Variants in CNOT2 observed in about 807,000 individuals in gnomAD.
CNOT2 encodes CCR4-NOT transcription complex subunit 2.
A neutral mutation model predicts 72.1 loss-of-function variants in CNOT2; 7 were observed. That is an observed-to-expected ratio of 0.10 (90% CI 0.06 to 0.18). CNOT2 has a LOEUF of 0.18. Among genes scored for constraint, CNOT2 ranks in the 10% least tolerant of loss-of-function variants. The pLI, the probability that CNOT2 is intolerant of heterozygous loss-of-function variation, is 1.00. For synonymous variants in CNOT2, 196 were observed against 225.6 expected (o/e 0.87, Z 1.17); for missense variants, 345 against 660.3 (o/e 0.52, Z 5.23).
chr12:70,256,360 T>C (rs1484653807), intron 1 of CNOT2, among the ~76,000 whole-genome samples: 1 of 152,104 alleles, frequency 6.6e-6, no homozygotes, highest in African/African-American at 2.4e-5. Flanking sequence ...TTAATATACT[T>C]TGGGAACTTC....
chr12:70,314,390 G>C (rs1876968701), intron 3 of CNOT2, among the ~76,000 whole-genome samples: 1 of 151,910 alleles, frequency 6.6e-6, no homozygotes, highest in East Asian at 1.9e-4. Context: ...GCTCATGAAG[G>C]ATTTTTTTTT....
At chr12:70,257,536 A>G (rs1263065087) in intron 1 of CNOT2, among the ~76,000 whole-genome samples, 4 of 141,634 alleles carry the variant, frequency 2.8e-5, no homozygotes, top group Non-Finnish European at 4.7e-5. Context: ...ATTTTTTTGT[A>G]TTTTTTTTTT....
At chr12:70,251,952 C>A (rs1351344459) in intron 1 of CNOT2, among the ~76,000 whole-genome samples, 1 of 152,074 alleles carries the variant, frequency 6.6e-6, no homozygotes, top group African/African-American at 2.4e-5. Flanking sequence ...AAATCTAAAT[C>A]AGTGATAAAA....
chr12:70,354,167 C>T lies in CNOT2; in HGVS notation c.*252C>T, dbSNP rs1404449789. On this transcript the variant is annotated 3_prime_UTR_variant, in exon 16 of 16. Coordinates refer to ENST00000229195, the MANE Select transcript of CNOT2 (RefSeq NM_014515.7). ...GGGTCTGAATTTTTTCATTTATTTCCTTTTTTGCCAGCAGACAGACTTGAG... is the reference window on the plus strand; with the variant it reads ...GGGTCTGAATTTTTTCATTTATTTCTTTTTTTGCCAGCAGACAGACTTGAG... 5.2e-6 allele frequency: 3 copies of T among 575,124 alleles called. No individual in the cohort carries two copies. Among genetic ancestry groups the T allele is most frequent in the African/African-American group, 3.9e-5 (2 of 51,720 alleles). The allele number at this position is 575,124 out of a possible 1,614,324, so 35.6% of individuals were successfully genotyped here.
chr12:70,339,735 C>T (rs1181324416), intron 11 of CNOT2, among the ~76,000 whole-genome samples: 2 of 152,102 alleles, frequency 1.3e-5, no homozygotes, highest in Non-Finnish European at 2.9e-5. Context: ...CTTCTGCATG[C>T]CCCTAATACC....
chr12:70,329,204 G>A (rs1312733483), intron 4 of CNOT2, among the ~76,000 whole-genome samples: 1 of 151,870 alleles, frequency 6.6e-6, no homozygotes, highest in East Asian at 1.9e-4. Flanking sequence ...ATGAAAAATA[G>A]GAATATGAAA....
chr12:70,327,023 T>C (rs4761196), intron 4 of CNOT2, among the ~76,000 whole-genome samples: 88,060 of 151,644 alleles, frequency 0.58, 26,910 homozygotes, highest in East Asian at 0.94. Flanking sequence ...AACTTCCAAT[T>C]TCTAAAATAT....
chr12:70,289,059 TTC>T, intron 2 of CNOT2, among the ~76,000 whole-genome samples: 2 of 152,078 alleles, frequency 1.3e-5, no homozygotes, highest in East Asian at 3.9e-4. Flanking sequence ...TCTTGCTCAC[TTC>T]TCTTCCTTTT....
At chr12:70,274,028 T>G (rs1868364870) in intron 1 of CNOT2, among the ~76,000 whole-genome samples, 1 of 152,174 alleles carries the variant, frequency 6.6e-6, no homozygotes, top group South Asian at 2.1e-4. Context: ...ATTATAGGTC[T>G]GTGAAACCCA....
chr12:70,252,982 A>G (rs1481075929), intron 1 of CNOT2, among the ~76,000 whole-genome samples: 1 of 152,226 alleles, frequency 6.6e-6, no homozygotes, highest in African/African-American at 2.4e-5. Context: ...AGATTCGTAA[A>G]TGTAAACAAG....
chr12:70,248,609 G>A (rs1398664382), intron 1 of CNOT2, among the ~76,000 whole-genome samples: 1 of 152,094 alleles, frequency 6.6e-6, no homozygotes. Flanking sequence ...GTTTGTTTAA[G>A]AGATTGTGAG....
chr12:70,329,045 A>G (rs868319902), intron 4 of CNOT2, among the ~76,000 whole-genome samples: 3 of 151,956 alleles, frequency 2.0e-5, no homozygotes, highest in Non-Finnish European at 2.9e-5. Context: ...AAAGACATAA[A>G]AACACATTAC....
chr12:70,307,239 C>CT (rs1305547087), intron 2 of CNOT2, among the ~76,000 whole-genome samples: 4 of 152,174 alleles, frequency 2.6e-5, no homozygotes, highest in Non-Finnish European at 4.4e-5. Context: ...CTTACCGTAA[C>CT]TTTTTTACTT....
At chr12:70,337,363 T>C (rs1880849121) in intron 8 of CNOT2, 26 bp from the exon 9 acceptor site, 1 of 1,586,200 alleles carries the variant, frequency 6.3e-7, no homozygotes, top group Non-Finnish European at 8.6e-7. Flanking sequence ...TCAATTGCAA[T>C]TCTCCGGATT....
intron 2 of CNOT2, among the ~76,000 whole-genome samples, chr12:70,292,117 A>G (rs769394000): frequency 2.6e-5 from 4 of 152,234 alleles, no homozygotes; most frequent in Non-Finnish European, 5.9e-5. Context: ...GAAAACTTCC[A>G]GATGCACCAC....
chr12:70,257,348 T>G, intron 1 of CNOT2, among the ~76,000 whole-genome samples: 1 of 143,266 alleles, frequency 7.0e-6, no homozygotes, highest in Non-Finnish European at 1.5e-5. Flanking sequence ...TTTCCCCAAC[T>G]ACCCCCTTTT....
chr12:70,336,528 T>G (rs1363875987), intron 8 of CNOT2: 2 of 152,072 alleles, frequency 1.3e-5, no homozygotes, highest in Non-Finnish European at 2.9e-5. Context: ...GATCACATTT[T>G]CAACCAAGAA....
intron 2 of CNOT2, among the ~76,000 whole-genome samples, chr12:70,305,032 A>C (rs1018483532): frequency 6.6e-6 from 1 of 152,206 alleles, no homozygotes; most frequent in African/African-American, 2.4e-5. Context: ...GTGCAGTATT[A>C]GGGTGGGAGT....
intron 3 of CNOT2, among the ~76,000 whole-genome samples, chr12:70,313,462 A>G (rs1312886908): frequency 6.6e-6 from 1 of 152,008 alleles, no homozygotes; most frequent in Non-Finnish European, 1.5e-5. Flanking sequence ...ACTTTCTTAT[A>G]ATACTTTTAT....
Sources: gnomAD v4.1 joint callset for allele counts (sites outside exome capture counted in the v4.1 genomes callset) on GRCh38, gnomAD v4.1.1 for gene constraint, MANE v1.5 for transcripts, NCBI Gene and HGNC (gene_info 2026-07-23, HGNC 2026-07-21) for gene names.